MAPRE1: variants seen among roughly 807,000 people sequenced by gnomAD.
The protein encoded by MAPRE1 is microtubule-associated protein RP/EB family member 1.
In MAPRE1, 5 loss-of-function variants were observed where a neutral mutation model predicts 32.1. That is an observed-to-expected ratio of 0.16 (90% CI 0.08 to 0.33). The LOEUF (loss-of-function observed/expected upper bound fraction) is 0.33, where lower values mean the gene tolerates loss of function less well. Ranked by LOEUF, MAPRE1 falls within the 10% of genes least tolerant of loss-of-function variation. The probability of loss-of-function intolerance (pLI) is 1.00; values close to 1 mark genes in which losing one functional copy is unlikely to be tolerated. For missense variants in MAPRE1, 209 were observed against 327.2 expected (o/e 0.64, Z 2.79); for synonymous variants, 122 against 118.9 (o/e 1.03, Z -0.17).
intron 1 of MAPRE1, 128 bp from the exon 2 acceptor site, chr20:32,825,797 A>T: frequency 1.5e-6 from 1 of 645,166 alleles, no homozygotes; most frequent in Non-Finnish European, 2.4e-6. Context: ...CTCAAAATAA[A>T]ATAAAATAAA....
intron 3 of MAPRE1, among the ~76,000 whole-genome samples, chr20:32,834,187 A>G (rs1026105836): frequency 1.2e-4 from 19 of 152,196 alleles, no homozygotes; most frequent in African/African-American, 4.6e-4. Flanking sequence ...ATCTGGATTT[A>G]CTTCTGTAAA....
chr20:32,837,681 A>G (rs942290177), intron 4 of MAPRE1, among the ~76,000 whole-genome samples: 3 of 152,238 alleles, frequency 2.0e-5, no homozygotes, highest in South Asian at 4.1e-4. Context: ...CGCATGCCAT[A>G]TAATTATATT....
At chr20:32,831,592 G>A (rs1704035586) in intron 2 of MAPRE1, among the ~76,000 whole-genome samples, 1 of 151,400 alleles carries the variant, frequency 6.6e-6, no homozygotes, top group Admixed American at 6.6e-5. Context: ...GCAATGAATG[G>A]TGCGATCTCA....
At chr20:32,841,418 C>G (rs540067596) in intron 5 of MAPRE1, among the ~76,000 whole-genome samples, 192 of 150,108 alleles carry the variant, frequency 1.3e-3, no homozygotes, top group African/African-American at 4.5e-3. Context: ...AGAGAGCGTG[C>G]CAGGTTCTGC....
chr20:32,838,664 T>C (rs1007274236), intron 4 of MAPRE1, among the ~76,000 whole-genome samples: 4 of 152,222 alleles, frequency 2.6e-5, no homozygotes, highest in Non-Finnish European at 5.9e-5. Context: ...TTTTATTCTT[T>C]ACCTGTTTAG....
intron 5 of MAPRE1, 140 bp from the exon 6 acceptor site, chr20:32,846,478 A>G: frequency 1.3e-6 from 1 of 769,062 alleles, no homozygotes; most frequent in Non-Finnish European, 2.2e-6. Flanking sequence ...GGCTGAAGAA[A>G]ATTGACATTA....
intron 2 of MAPRE1, among the ~76,000 whole-genome samples, chr20:32,826,527 T>TTTC (rs1365835803): frequency 8.0e-6 from 1 of 125,490 alleles, no homozygotes; most frequent in East Asian, 2.4e-4. Context: ...GCCTTTTTTT[T>TTTC]TTTTTTTTTT....
At chr20:32,836,921 T>A in intron 4 of MAPRE1, 80 bp downstream of exon 4, 1 of 1,239,740 alleles carries the variant, frequency 8.1e-7, no homozygotes, top group Non-Finnish European at 1.1e-6. Flanking sequence ...TTTTTTTCAG[T>A]AGCCATAGGC....
intron 4 of MAPRE1, among the ~76,000 whole-genome samples, chr20:32,839,188 C>T (rs1288540375): frequency 2.0e-5 from 3 of 152,180 alleles, no homozygotes; most frequent in African/African-American, 7.2e-5. Context: ...CTCTTCCACT[C>T]CAAGGAGTCT....
intron 6 of MAPRE1, among the ~76,000 whole-genome samples, chr20:32,848,415 A>G (rs1983563059): frequency 6.6e-6 from 1 of 152,186 alleles, no homozygotes; most frequent in Admixed American, 6.5e-5. Context: ...CTTTGATGAC[A>G]TGGGTGAAAT....
intron 2 of MAPRE1, among the ~76,000 whole-genome samples, chr20:32,829,128 G>C (rs1445511711): frequency 5.3e-5 from 8 of 152,066 alleles, no homozygotes; most frequent in African/African-American, 1.9e-4. Flanking sequence ...TGGTCAGGCT[G>C]GTCTTGAACT....
chr20:32,830,076 A>C (rs1352831874), intron 2 of MAPRE1, among the ~76,000 whole-genome samples: 4 of 152,138 alleles, frequency 2.6e-5, no homozygotes, highest in Non-Finnish European at 5.9e-5. Flanking sequence ...TCCTCTGCAC[A>C]TGTAGAGGGG....
Position 32,820,234 on chromosome 20 carries a change from G to T in MAPRE1, c.-4+206G>T, listed in dbSNP as rs554898550. Among the ~76,000 whole-genome samples the T allele has an allele frequency of 4.9e-3, 718 of 146,496 alleles. 8 individuals are homozygous for T. Among genetic ancestry groups the T allele is most frequent in the African/African-American group, 0.018 (681 of 38,890 alleles). ...GCGCGCTGCGCTCTGCTCAGGGGGCGGGGTCTCGGGCCGGAAGTGGGCTGC... is the reference window on the plus strand; with the variant it reads ...GCGCGCTGCGCTCTGCTCAGGGGGCTGGGTCTCGGGCCGGAAGTGGGCTGC... On this transcript the variant is annotated intron_variant, in intron 1 of 6. Coordinates refer to ENST00000375571, the MANE Select transcript of MAPRE1 (RefSeq NM_012325.3).
At chr20:32,824,536 G>A (rs756746291) in intron 1 of MAPRE1, among the ~76,000 whole-genome samples, 8 of 152,204 alleles carry the variant, frequency 5.3e-5, no homozygotes, top group Admixed American at 1.3e-4. Context: ...TGGCACTTAG[G>A]CCCACAGATG....
At chr20:32,835,795 AGGGTTTCACCATATT>A (rs1983182771) in intron 3 of MAPRE1, among the ~76,000 whole-genome samples, 1 of 151,766 alleles carries the variant, frequency 6.6e-6, no homozygotes, top group African/African-American at 2.4e-5. Context: ...TAGTAGAGAC[AGGGTTTCACCATATT>A]GGCCAGGCTG....
At chr20:32,823,564 T>C (rs1185752806) in intron 1 of MAPRE1, among the ~76,000 whole-genome samples, 2 of 152,174 alleles carry the variant, frequency 1.3e-5, no homozygotes, top group Non-Finnish European at 2.9e-5. Flanking sequence ...CTACTAGTAG[T>C]CAATGTGATC....
intron 5 of MAPRE1, among the ~76,000 whole-genome samples, chr20:32,840,467 T>C (rs1983329048): frequency 6.6e-6 from 1 of 152,182 alleles, no homozygotes; most frequent in Admixed American, 6.5e-5. Context: ...TAATTCTATT[T>C]TTTAAATTTT....
intron 5 of MAPRE1, among the ~76,000 whole-genome samples, chr20:32,841,061 C>G (rs1477767122): frequency 6.6e-6 from 1 of 152,248 alleles, no homozygotes; most frequent in Non-Finnish European, 1.5e-5. Context: ...GATGATCCAC[C>G]TGCCTTGGCC....
Position 32,827,972 on chromosome 20 carries a change from T to C in MAPRE1, c.121+1924T>C, listed in dbSNP as rs182986305. On this transcript the variant is annotated intron_variant, in intron 2 of 6. Transcript: ENST00000375571. ...TTTGAGTTCAGCTTCTGCCCTTCCT[T>C]ATTTTATAGCTGGGTCCTAGTCTCG... 2.4e-3 allele frequency among the ~76,000 whole-genome samples: 365 copies of C among 152,146 alleles called. 1 individual carries two copies. Among genetic ancestry groups the C allele is most frequent in the Non-Finnish European group, 3.8e-3 (258 of 68,004 alleles).
Sources: allele counts gnomAD v4.1 joint callset (sites outside exome capture counted in the v4.1 genomes callset), GRCh38; gene constraint gnomAD v4.1.1; transcripts MANE v1.5; gene names NCBI Gene and HGNC (gene_info 2026-07-23, HGNC 2026-07-21).